ZFPM2: variants seen among roughly 807,000 people sequenced by gnomAD.
ZFPM2 encodes the protein zinc finger protein, FOG family member 2.
Under a neutral mutation model 98.6 loss-of-function variants are expected in ZFPM2, and 20 were observed. The observed-to-expected ratio is 0.20, with a 90% CI of 0.14 to 0.29. The LOEUF is 0.29. Among genes scored for constraint, ZFPM2 ranks in the 10% least tolerant of loss-of-function variants. The pLI is 1.00. For synonymous variants in ZFPM2, 518 were observed against 502.7 expected (o/e 1.03, Z -0.41); for missense variants, 1,310 against 1,388.6 (o/e 0.94, Z 0.90).
At chr8:105,376,660 A>C (rs1003897188) in intron 1 of ZFPM2, among the ~76,000 whole-genome samples, 2 of 152,232 alleles carry the variant, frequency 1.3e-5, no homozygotes, top group African/African-American at 4.8e-5. Flanking sequence ...GCTGGGAGTT[A>C]GCATTTATTC....
rs2131178933 is a variant in ZFPM2, at chr8:105,801,956, G to T, written c.1874G>T (p.Cys625Phe). 1 of 1,613,792 alleles carries T rather than the reference G, an allele frequency of 6.2e-7. No homozygotes were observed. Among genetic ancestry groups the T allele is most frequent in the Non-Finnish European group, 8.5e-7 (1 of 1,179,854 alleles). ...GAGAATCCACTTCTTCAAACATCTTGCATCAATTCTTCCACTGTCTTAGAT... is the reference window on the plus strand; with the variant it reads ...GAGAATCCACTTCTTCAAACATCTTTCATCAATTCTTCCACTGTCTTAGAT... ...DPENPLLQTS[C>F]INSSTVLDLI... Residue 625 changes from cysteine (C) to phenylalanine (F), a missense_variant, in exon 8 of 8, where the codon TGC (cysteine) becomes TTC (phenylalanine). Physicochemically the swap from Cys to Phe is radical, Grantham distance 205 (BLOSUM62 -2). Transcript: ENST00000407775.
At position 105,560,131 on chromosome 8, in the gene ZFPM2, C is replaced by T. The variant is rs77524307; in HGVS notation, c.302-1232C>T. 3.5e-3 allele frequency among the ~76,000 whole-genome samples: 482 copies of T among 136,778 alleles called. 2 individuals carry two copies. The highest frequency in any genetic ancestry group is 6.2e-3 in the Non-Finnish European group (409 of 65,774). 89.7% of individuals were successfully genotyped at this position (136,778 alleles called of 152,430 possible). On this transcript the variant is annotated intron_variant, in intron 3 of 7. Coordinates refer to ENST00000407775, the MANE Select transcript of ZFPM2 (RefSeq NM_012082.4). ...CTGGGGCAGGAGAAACTCTTGAACG[C>T]GAGAGGCAGCCTGGGCAACAAGAGC...
At chr8:105,713,368 G>A (rs1315089931) in intron 5 of ZFPM2, among the ~76,000 whole-genome samples, 1 of 151,730 alleles carries the variant, frequency 6.6e-6, no homozygotes, top group Non-Finnish European at 1.5e-5. Context: ...TTTTTAATAG[G>A]GTTATTTGTT....
chr8:105,667,764 A>G (rs1817517137), intron 5 of ZFPM2, among the ~76,000 whole-genome samples: 1 of 152,214 alleles, frequency 6.6e-6, no homozygotes, highest in Non-Finnish European at 1.5e-5. Flanking sequence ...TACAGTGCCA[A>G]TTCTCACTTT....
intron 4 of ZFPM2, among the ~76,000 whole-genome samples, chr8:105,578,782 A>G (rs1359172436): frequency 6.6e-6 from 1 of 152,144 alleles, no homozygotes; most frequent in Non-Finnish European, 1.5e-5. Flanking sequence ...TTGGAGCTCA[A>G]GTTTCTTTAT....
chr8:105,691,231 C>CTTTTGTTTTTT (rs1810871800), intron 5 of ZFPM2, among the ~76,000 whole-genome samples: 1 of 67,964 alleles, frequency 1.5e-5, no homozygotes, highest in Non-Finnish European at 2.6e-5. Context: ...CCCAAAGAGA[C>CTTTTGTTTTTT]TTTTTTTTTT....
At chr8:105,430,665 G>A (rs145662099) in intron 2 of ZFPM2, among the ~76,000 whole-genome samples, 104 of 152,272 alleles carry the variant, frequency 6.8e-4, no homozygotes, top group Admixed American at 2.1e-3. Context: ...GGGAGGAGAC[G>A]CTGTTGGAAG....
chr8:105,341,753 G>T (rs1812435202), intron 1 of ZFPM2, among the ~76,000 whole-genome samples: 1 of 151,954 alleles, frequency 6.6e-6, no homozygotes, highest in African/African-American at 2.4e-5. Flanking sequence ...CTTCATTTTA[G>T]ATAACATGTA....
intron 3 of ZFPM2, among the ~76,000 whole-genome samples, chr8:105,465,397 A>G (rs1295616440): frequency 1.3e-5 from 2 of 152,008 alleles, no homozygotes; most frequent in African/African-American, 2.4e-5. Flanking sequence ...GTAACTGTCT[A>G]TATATATGAT....
intron 5 of ZFPM2, among the ~76,000 whole-genome samples, chr8:105,654,184 T>G (rs1817238817): frequency 6.6e-6 from 1 of 151,838 alleles, no homozygotes; most frequent in African/African-American, 2.4e-5. Flanking sequence ...TCTGTCATCC[T>G]TCCTGCGAAG....
intron 4 of ZFPM2, among the ~76,000 whole-genome samples, chr8:105,623,237 T>C (rs949305120): frequency 8.5e-5 from 13 of 152,202 alleles, no homozygotes; most frequent in Non-Finnish European, 1.6e-4. Flanking sequence ...TCCCAAAAGA[T>C]ACTATAGTTA....
chr8:105,359,653 C>A (rs1471789933), intron 1 of ZFPM2, among the ~76,000 whole-genome samples: 5 of 152,018 alleles, frequency 3.3e-5, no homozygotes, highest in Admixed American at 2.6e-4. Context: ...GGATTACAGG[C>A]GTGAGCCACC....
At chr8:105,569,726 A>T (rs958882790) in intron 4 of ZFPM2, among the ~76,000 whole-genome samples, 1 of 152,176 alleles carries the variant, frequency 6.6e-6, no homozygotes, top group African/African-American at 2.4e-5. Flanking sequence ...CCTCACTATG[A>T]CATGGGTGAA....
intron 7 of ZFPM2, among the ~76,000 whole-genome samples, chr8:105,799,513 T>C (rs1364901309): frequency 1.3e-5 from 2 of 152,168 alleles, no homozygotes; most frequent in African/African-American, 4.8e-5. Context: ...GTACTATGTT[T>C]TAAAATCCCT....
chr8:105,660,945 C>G (rs1330426663), intron 5 of ZFPM2, among the ~76,000 whole-genome samples: 4 of 152,078 alleles, frequency 2.6e-5, no homozygotes, highest in African/African-American at 9.7e-5. Context: ...TATATATACC[C>G]TAGTGGTCTA....
chr8:105,786,969 T>C (rs1186618079), intron 5 of ZFPM2: 1 of 152,202 alleles, frequency 6.6e-6, no homozygotes, highest in African/African-American at 2.4e-5. Flanking sequence ...TAAACCTGAA[T>C]TGTGGTTTCT....
At chr8:105,620,938 C>T (rs546275081) in intron 4 of ZFPM2, among the ~76,000 whole-genome samples, 21 of 152,090 alleles carry the variant, frequency 1.4e-4, no homozygotes, top group African/African-American at 4.8e-4. Flanking sequence ...GCTGTAGCCT[C>T]GTAGTATAGT....
intron 3 of ZFPM2, among the ~76,000 whole-genome samples, chr8:105,546,436 G>A (rs1287642886): frequency 2.6e-5 from 4 of 151,876 alleles, no homozygotes; most frequent in East Asian, 1.9e-4. Context: ...GGGCGTGGTG[G>A]TGCATGCCTG....
intron 5 of ZFPM2, among the ~76,000 whole-genome samples, chr8:105,696,323 A>G (rs1811017670): frequency 6.6e-6 from 1 of 152,190 alleles, no homozygotes; most frequent in African/African-American, 2.4e-5. Flanking sequence ...ACTTACCCTT[A>G]TATGATCGTG....
Sources: gnomAD v4.1 joint callset for allele counts (sites outside exome capture counted in the v4.1 genomes callset) on GRCh38, gnomAD v4.1.1 for gene constraint, MANE v1.5 for transcripts, NCBI Gene and HGNC (gene_info 2026-07-23, HGNC 2026-07-21) for gene names.